ITIH6: variants seen among roughly 807,000 people sequenced by gnomAD.
ITIH6 encodes inter-alpha-trypsin inhibitor heavy chain family member 6, also known as inter-alpha-trypsin inhibitor heavy chain H6.
A neutral mutation model predicts 58.2 loss-of-function variants in ITIH6; 60 were observed. The observed-to-expected ratio is 1.03, with a 90% CI of 0.84 to 1.28. The LOEUF is 1.28. Ranked by LOEUF, ITIH6 falls within the 50% of genes most tolerant of loss-of-function variation. The pLI is 0.00. For missense variants in ITIH6, 1,290 were observed against 1,021.1 expected (o/e 1.26, Z -3.59); for synonymous variants, 493 against 417.4 (o/e 1.18, Z -2.21).
At position 54,759,920 on chromosome X, in the gene ITIH6, GTT is replaced by G. The variant is rs756804661; in HGVS notation, c.909_910del (p.Lys303AsnfsTer9). 7 of 1,203,397 alleles carry G rather than the reference GTT, an allele frequency of 5.8e-6. No homozygotes were observed. Among genetic ancestry groups the G allele is most frequent in the Non-Finnish European group, 7.9e-6 (7 of 889,395 alleles). On this transcript the variant is annotated frameshift_variant, in exon 7 of 13. Transcript: ENST00000218436. LOFTEE classifies it high-confidence loss of function. The stretch of plus-strand genomic sequence containing the variant: ...GTCACTGAGGATCACATTCATGGCC[GTT>G]TTAGTCTGTGGGATATGGATGAAAT...
intron 6 of ITIH6, among the ~76,000 whole-genome samples, chrX:54,770,111 C>T (rs1019034729): frequency 2.7e-5 from 3 of 112,353 alleles, no homozygotes; most frequent in African/African-American, 9.7e-5. Context: ...GTCTGAAAAG[C>T]GCAATATTCG....
chrX:54,752,698 C>CA (rs1392779607), intron 11 of ITIH6, among the ~76,000 whole-genome samples: 1 of 112,175 alleles, frequency 8.9e-6, no homozygotes, highest in Admixed American at 9.4e-5. Context: ...AGATCACCTG[C>CA]AGACAAGAGC....
chrX:54,762,880 C>T (rs1024620543), intron 6 of ITIH6, among the ~76,000 whole-genome samples: 1 of 111,941 alleles, frequency 8.9e-6, no homozygotes, highest in African/African-American at 3.3e-5. Flanking sequence ...TTACAGGACA[C>T]TTGCTATGTT....
rs1438447329 is a variant in ITIH6, at chrX:54,757,796, C to A, written c.2278G>T (p.Val760Phe). The change falls in exon 8 of 13, where the codon GTC (valine) becomes TTC (phenylalanine). Residue 760 changes from valine to phenylalanine, a missense_variant. Coordinates refer to ENST00000218436, the MANE Select transcript of ITIH6 (RefSeq NM_198510.3). ...DILPTNSRTQ[V>F]PPVKPGIPAS... ...GGGATGCCAGGTTTCACAGGTGGGA[C>A]TTGTGTCCTGGAGTTCGTGGGTAAT... is the stretch of plus-strand genomic sequence containing the variant. The A allele has an allele frequency of 2.5e-6, 3 of 1,211,256 alleles. No individual in the cohort carries two copies. Among genetic ancestry groups the A allele is most frequent in the Non-Finnish European group, 3.4e-6 (3 of 895,154 alleles).
At chrX:54,754,286 T>A (rs1928440915) in intron 9 of ITIH6, among the ~76,000 whole-genome samples, 2 of 111,962 alleles carry the variant, frequency 1.8e-5, no homozygotes, top group African/African-American at 6.5e-5. Flanking sequence ...TCTTGCTCTC[T>A]GCCTGTGGTA....
intron 9 of ITIH6, among the ~76,000 whole-genome samples, chrX:54,754,524 G>A (rs1197857623): frequency 8.9e-6 from 1 of 111,913 alleles, no homozygotes; most frequent in Non-Finnish European, 1.9e-5. Flanking sequence ...TAAAGTGTGA[G>A]AAGGGTTTGG....
At chrX:54,784,992 A>G (rs1929216551) in intron 5 of ITIH6, among the ~76,000 whole-genome samples, 1 of 112,070 alleles carries the variant, frequency 8.9e-6, no homozygotes, top group African/African-American at 3.2e-5. Flanking sequence ...GTGCATATAC[A>G]CAATGGAGTA....
intron 1 of ITIH6, among the ~76,000 whole-genome samples, chrX:54,797,769 C>T (rs971701782): frequency 4.1e-4 from 46 of 111,227 alleles, no homozygotes; most frequent in African/African-American, 1.2e-3. Flanking sequence ...TAGTTCCTTC[C>T]CAGTGTGGGG....
intron 5 of ITIH6, among the ~76,000 whole-genome samples, 178 bp from the exon 6 acceptor site, chrX:54,774,375 C>T (rs1023898322): frequency 8.9e-6 from 1 of 112,836 alleles, no homozygotes; most frequent in African/African-American, 3.2e-5. Context: ...TCACTAGAAC[C>T]GTGTCTCAGC....
rs763669704 is a variant in ITIH6 at position 54,751,141 on chromosome X, T to C, written c.3592A>G (p.Thr1198Ala). 3 of 1,207,374 alleles carry C rather than the reference T, an allele frequency of 2.5e-6. No individual in the cohort carries two copies. In the African/African-American group the frequency reaches 5.3e-5, roughly 21 times the overall value. ...ELYVAAAARL[T>A]LRLGPYLEFL... is the part of the protein sequence containing the mutation. ...TCAAGGTAGGGCCCAAGGCGGAGGGTAAGGCGGGCTGCAGCAGCCACATAG... is the reference window on the plus strand; with the variant it reads ...TCAAGGTAGGGCCCAAGGCGGAGGGCAAGGCGGGCTGCAGCAGCCACATAG... The change falls in exon 12 of 13, where the codon ACC (threonine) becomes GCC (alanine). Residue 1198 changes from threonine to alanine, a missense_variant. Thr to Ala is a moderately conservative substitution (Grantham distance 58). Coordinates refer to ENST00000218436, the MANE Select transcript of ITIH6 (RefSeq NM_198510.3).
In ITIH6 at chrX:54,788,462, T is replaced by C. The variant is rs1325145394; in HGVS notation, c.786+18A>G. 8.3e-7 allele frequency: 1 copy of C among 1,202,836 alleles called. No homozygotes were observed. The highest frequency in any genetic ancestry group is 1.1e-6 in the Non-Finnish European group (1 of 888,512). ...ACTCCAGAGCCCATCCTCTCTCCTCTTCCCCAGGCCCCCTCACCTGCACGT... is the reference window on the plus strand; with the variant it reads ...ACTCCAGAGCCCATCCTCTCTCCTCCTCCCCAGGCCCCCTCACCTGCACGT... On this transcript the variant is annotated intron_variant, in intron 5 of 12. Transcript: ENST00000218436.
chrX:54,796,372 A>G (rs1001394401), intron 2 of ITIH6, among the ~76,000 whole-genome samples: 5 of 112,330 alleles, frequency 4.5e-5, no homozygotes, highest in Non-Finnish European at 9.4e-5. Context: ...TTCCATGTAT[A>G]TTAGTTCATT....
At chrX:54,765,956 G>T (rs1928775305) in intron 6 of ITIH6, among the ~76,000 whole-genome samples, 1 of 111,328 alleles carries the variant, frequency 9.0e-6, no homozygotes, top group African/African-American at 3.3e-5. Context: ...GATGGGGATG[G>T]CATTGAATCT....
chrX:54,788,122 C>T (rs1233849260), intron 5 of ITIH6, among the ~76,000 whole-genome samples: 1 of 111,922 alleles, frequency 8.9e-6, no homozygotes, highest in Non-Finnish European at 1.9e-5. Flanking sequence ...CCCAAGAGAA[C>T]ACAGGAGAGT....
Position 54,758,252 on chromosome X carries a change from G to GT in ITIH6, c.1821dup (p.Leu608ThrfsTer11). The GT allele has an allele frequency of 8.3e-7, 1 of 1,211,200 alleles. No individual in the cohort carries two copies. Among genetic ancestry groups the GT allele is most frequent in the African/African-American group, 1.7e-5 (1 of 57,859 alleles). On this transcript the variant is annotated frameshift_variant, in exon 8 of 13. Transcript: ENST00000218436. LOFTEE classifies it high-confidence loss of function. Reference sequence around the variant, plus strand: ...GCCTGTTTGGGTTGCACCATGACCAGTGAAGTCAGAGGTGTGACAAAGTTG... The same window carrying GT: ...GCCTGTTTGGGTTGCACCATGACCAGTTGAAGTCAGAGGTGTGACAAAGTTG...
At chrX:54,750,897 G>T in intron 12 of ITIH6, 106 bp downstream of exon 12, 1 of 857,010 alleles carries the variant, frequency 1.2e-6, no homozygotes, top group Non-Finnish European at 1.6e-6. Flanking sequence ...GGAAGAGTCT[G>T]TTGCTGATTC....
chrX:54,762,240 G>T (rs937414744), intron 6 of ITIH6, among the ~76,000 whole-genome samples: 1 of 110,625 alleles, frequency 9.0e-6, no homozygotes, highest in Non-Finnish European at 1.9e-5. Flanking sequence ...CTCTCTGTTT[G>T]TCTGTTATTG....
chrX:54,774,201 G>C lies in ITIH6; in HGVS notation c.787-4C>G. ...GAATGAAATAGTCATCGTAAATCTG[G>C]ACCAAAAAAAAAAAAAAAAAAGTAG... is the stretch of plus-strand genomic sequence containing the variant. On this transcript the variant is annotated splice_polypyrimidine_tract_variant and splice_region_variant and intron_variant, in intron 5 of 12. Coordinates refer to ENST00000218436, the MANE Select transcript of ITIH6 (RefSeq NM_198510.3). 1 of 789,194 alleles carries C rather than the reference G, an allele frequency of 1.3e-6. No individual in the cohort carries two copies. Among genetic ancestry groups the C allele is most frequent in the African/African-American group, 2.8e-5 (1 of 35,957 alleles). 65.0% of individuals were successfully genotyped at this position (789,194 alleles called of 1,213,427 possible).
Position 54,764,039 on chromosome X carries a change from G to C in ITIH6, c.904-4112C>G, listed in dbSNP as rs779729694. Among the ~76,000 whole-genome samples the C allele has an allele frequency of 2.7e-5, 3 of 111,682 alleles. No homozygotes were observed. In the East Asian group the frequency reaches 8.4e-4, roughly 31 times the overall value. On this transcript the variant is annotated intron_variant, in intron 6 of 12. Coordinates refer to ENST00000218436, the MANE Select transcript of ITIH6 (RefSeq NM_198510.3). ...GCTTTCTTTAATTTGTGTTAGCATG[G>C]TATATCTTTCTCTATCCCTTTGCTT...
Sources: gnomAD v4.1 joint callset for allele counts (sites outside exome capture counted in the v4.1 genomes callset) on GRCh38, gnomAD v4.1.1 for gene constraint, MANE v1.5 for transcripts, NCBI Gene and HGNC (gene_info 2026-07-23, HGNC 2026-07-21) for gene names.